Variants in TTC1 observed in about 807,000 individuals in gnomAD.
The protein encoded by TTC1 is tetratricopeptide repeat protein 1.
Under a neutral mutation model 37.6 loss-of-function variants are expected in TTC1, and 31 were observed. That is an observed-to-expected ratio of 0.82 (90% CI 0.62 to 1.11). The LOEUF (loss-of-function observed/expected upper bound fraction) is 1.11. Among genes scored for constraint, TTC1 ranks in the 50% most tolerant of loss-of-function variants. The pLI, the probability that TTC1 is intolerant of heterozygous loss-of-function variation, is 0.00. For synonymous variants in TTC1, 127 were observed against 122.4 expected, an observed-to-expected ratio of 1.04 and a Z score of -0.25; for missense variants, 351 against 339.0, an observed-to-expected ratio of 1.04 and a Z score of -0.28.
At chr5:160,031,941 T>C (rs1756917583) in intron 2 of TTC1, among the ~76,000 whole-genome samples, 1 of 151,402 alleles carries the variant, frequency 6.6e-6, no homozygotes, top group Non-Finnish European at 1.5e-5. Context: ...CAGTAAACTC[T>C]TATGGTGCCA....
chr5:160,050,627 C>CTTTT (rs546426067), intron 6 of TTC1, among the ~76,000 whole-genome samples: 1 of 109,336 alleles, frequency 9.1e-6, no homozygotes, highest in Admixed American at 9.6e-5. Context: ...CCAAACAAAA[C>CTTTT]TTTTTTTTTT....
At chr5:160,055,195 G>A (rs983723510) in intron 7 of TTC1, among the ~76,000 whole-genome samples, 2 of 152,182 alleles carry the variant, frequency 1.3e-5, no homozygotes, top group Non-Finnish European at 2.9e-5. Context: ...ATTTTATCCC[G>A]TATGCTGGCC....
In TTC1 at chr5:160,010,590, C is replaced by T. The variant is rs1756483206; in HGVS notation, c.62C>T (p.Thr21Ile). 1 of 1,614,124 alleles carries T rather than the reference C, an allele frequency of 6.2e-7. No individual in the cohort carries two copies. Among genetic ancestry groups the T allele is most frequent in the South Asian group, 1.1e-5 (1 of 91,082 alleles). The part of the protein sequence containing the change: ...PEDLLNGLKV[T>I]DTQEAECAGP... Reference sequence around the variant, plus strand: ...GATCTGTTAAATGGTTTGAAGGTTACAGATACTCAGGAAGCCGAGTGTGCT... The same window carrying T: ...GATCTGTTAAATGGTTTGAAGGTTATAGATACTCAGGAAGCCGAGTGTGCT... Residue 21 changes from threonine to isoleucine, a missense_variant, in exon 2 of 8, where the codon ACA becomes ATA. Transcript: ENST00000231238.
chr5:160,011,124 G>T (rs551768508), intron 2 of TTC1, among the ~76,000 whole-genome samples: 62 of 152,264 alleles, frequency 4.1e-4, no homozygotes, highest in South Asian at 2.3e-3. Flanking sequence ...TAATGTAACA[G>T]TCTTTTTGTT....
rs1304204082 is a variant in TTC1 at position 160,065,088 on chromosome 5, A to G, written c.*23A>G. 1.9e-6 allele frequency: 3 copies of G among 1,604,262 alleles called. No individual in the cohort carries two copies. Among genetic ancestry groups the G allele is most frequent in the Non-Finnish European group, 2.5e-6 (3 of 1,177,820 alleles). On this transcript the variant is annotated 3_prime_UTR_variant, in exon 8 of 8. Coordinates refer to ENST00000231238, the MANE Select transcript of TTC1 (RefSeq NM_003314.3). ...TAACAAAGATAACAAAAGCTTTACA[A>G]GCTGACTTGGAATTGTGTGCTGCTT...
At chr5:160,033,823 G>A (rs1347982117) in intron 2 of TTC1, among the ~76,000 whole-genome samples, 1 of 152,160 alleles carries the variant, frequency 6.6e-6, no homozygotes, top group Admixed American at 6.5e-5. Flanking sequence ...ATGTTAAAAG[G>A]ACCAATTGTT....
At chr5:160,024,641 G>A (rs796416315) in intron 2 of TTC1, among the ~76,000 whole-genome samples, 6 of 150,436 alleles carry the variant, frequency 4.0e-5, no homozygotes, top group African/African-American at 1.5e-4. Context: ...GGAATACAGG[G>A]GCTTGCCATC....
chr5:160,014,223 TGGC>T (rs1359761225), intron 2 of TTC1, among the ~76,000 whole-genome samples: 1 of 151,194 alleles, frequency 6.6e-6, no homozygotes, highest in Non-Finnish European at 1.5e-5. Flanking sequence ...CCAGGCCTGG[TGGC>T]GGGCTCCTGT....
intron 7 of TTC1, chr5:160,061,731 A>G (rs1753418337): frequency 6.6e-6 from 1 of 152,052 alleles, no homozygotes; most frequent in African/African-American, 2.4e-5. Context: ...GAGATACTGG[A>G]ATTGAAGGAA....
intron 2 of TTC1, among the ~76,000 whole-genome samples, chr5:160,021,073 A>C (rs1487230878): frequency 6.6e-6 from 1 of 152,194 alleles, no homozygotes; most frequent in Non-Finnish European, 1.5e-5. Context: ...TCCTGTGTTT[A>C]TTAAGAAAGG....
intron 4 of TTC1, among the ~76,000 whole-genome samples, chr5:160,038,732 G>A (rs1757038825): frequency 7.0e-6 from 1 of 142,050 alleles, no homozygotes; most frequent in Non-Finnish European, 1.5e-5. Context: ...GTGTGATCTC[G>A]GCTCACTGCA....
intron 7 of TTC1, among the ~76,000 whole-genome samples, chr5:160,062,701 G>C (rs1043743110): frequency 2.0e-5 from 3 of 152,160 alleles, no homozygotes; most frequent in Non-Finnish European, 2.9e-5. Context: ...CCCTCCTCAG[G>C]AGTCTGATGT....
chr5:160,060,331 T>C (rs1757664616), intron 7 of TTC1, among the ~76,000 whole-genome samples: 1 of 152,228 alleles, frequency 6.6e-6, no homozygotes. Context: ...GTTATGGTGA[T>C]ATGCTACTTG....
At position 160,017,010 on chromosome 5, in the gene TTC1, G is replaced by A. The variant is rs537661518; in HGVS notation, c.330+6152G>A. Among the ~76,000 whole-genome samples the A allele has an allele frequency of 5.9e-4, 90 of 152,294 alleles. 1 individual carries two copies. The highest frequency in any genetic ancestry group is 1.9e-3 in the African/African-American group (78 of 41,556). On this transcript the variant is annotated intron_variant, in intron 2 of 7. Transcript: ENST00000231238. ...AGCTCTCAGAGAGTATAGTGTATTC[G>A]TGTGTTTATTTCAGCAGTAAATCTT...
rs774401704 is a variant in TTC1, at chr5:160,010,870, A to G, written c.330+12A>G. On this transcript the variant is annotated intron_variant, in intron 2 of 7. Coordinates refer to ENST00000231238, the MANE Select transcript of TTC1 (RefSeq NM_003314.3). ...ATGAAGAGAAACAGGTAAGTATTTT[A>G]TTTATTGTGCAAGATCTGCCACTTA... 6.2e-7 allele frequency: 1 copy of G among 1,605,882 alleles called. No homozygotes were observed.
intron 2 of TTC1, among the ~76,000 whole-genome samples, chr5:160,016,236 G>C (rs1756603289): frequency 6.6e-6 from 1 of 152,130 alleles, no homozygotes; most frequent in Admixed American, 6.6e-5. Context: ...AAATTAGCCA[G>C]GTATGGCGGT....
chr5:160,040,292 C>T (rs1207153698), intron 4 of TTC1, among the ~76,000 whole-genome samples: 1 of 151,894 alleles, frequency 6.6e-6, no homozygotes, highest in Non-Finnish European at 1.5e-5. Context: ...ATACATATAC[C>T]GTGTATGCCA....
intron 1 of TTC1, among the ~76,000 whole-genome samples, chr5:160,009,794 G>T (rs1756463253): frequency 6.6e-6 from 1 of 152,092 alleles, no homozygotes; most frequent in African/African-American, 2.4e-5. Context: ...CTGCGCCAGG[G>T]TTCCCCTTCC....
At chr5:160,020,607 G>A (rs1756688230) in intron 2 of TTC1, among the ~76,000 whole-genome samples, 2 of 152,162 alleles carry the variant, frequency 1.3e-5, no homozygotes, top group African/African-American at 4.8e-5. Flanking sequence ...ATTACTGTCT[G>A]AGCTCCACCT....
Sources: allele counts gnomAD v4.1 joint callset (sites outside exome capture counted in the v4.1 genomes callset), GRCh38; gene constraint gnomAD v4.1.1; transcripts MANE v1.5; gene names NCBI Gene and HGNC (gene_info 2026-07-23, HGNC 2026-07-21).